Variants in TAFA5 observed in about 807,000 individuals in gnomAD.
The protein encoded by TAFA5 is chemokine-like protein TAFA-5.
A neutral mutation model predicts 15.3 loss-of-function variants in TAFA5; 6 were observed. That is an observed-to-expected ratio of 0.39 (90% CI 0.21 to 0.77). TAFA5 has a LOEUF of 0.77. Among genes scored for constraint, TAFA5 ranks in the 30% least tolerant of loss-of-function variants. The pLI is 0.41. For synonymous variants in TAFA5, 103 were observed against 80.7 expected, an observed-to-expected ratio of 1.28 and a Z score of -1.48; for missense variants, 161 against 193.1, an observed-to-expected ratio of 0.83 and a Z score of 0.98.
intron 2 of TAFA5, among the ~76,000 whole-genome samples, chr22:48,652,026 C>T (rs909892484): frequency 6.6e-6 from 1 of 152,200 alleles, no homozygotes; most frequent in Non-Finnish European, 1.5e-5. Flanking sequence ...CCTAGCTGCT[C>T]ATGATGCCCT....
intron 2 of TAFA5, among the ~76,000 whole-genome samples, chr22:48,657,357 A>G (rs1927286537): frequency 1.3e-5 from 2 of 152,248 alleles, no homozygotes; most frequent in South Asian, 4.1e-4. Flanking sequence ...GAATAGACCT[A>G]TGTTAAGTAA....
chr22:48,590,487 G>T (rs1924527590), intron 1 of TAFA5, among the ~76,000 whole-genome samples: 1 of 152,152 alleles, frequency 6.6e-6, no homozygotes, highest in Admixed American at 6.5e-5. Context: ...CATGGGTATG[G>T]TGCAACCCTG....
rs190161004 is a variant in TAFA5 at position 48,749,110 on chromosome 22, G to C, written c.391-729G>C. Among the ~76,000 whole-genome samples, 9 of 152,312 alleles carry C rather than the reference G, an allele frequency of 5.9e-5. No homozygotes were observed. The East Asian group carries it at 1.7e-3, about 29-fold the overall frequency. ...TCGACATGGGGACCGTGTGAGGATG[G>C]AGGCAGAGATCAGGACGATGCGTCT... On this transcript the variant is annotated intron_variant, in intron 3 of 3. Transcript: ENST00000402357.
At position 48,738,665 on chromosome 22, in the gene TAFA5, C is replaced by T. The variant is rs376129070; in HGVS notation, c.391-11174C>T. On this transcript the variant is annotated intron_variant, in intron 3 of 3. Transcript: ENST00000402357. ...AGGCCATGATGTGCACACTCCTAAA[C>T]GGGTTATTTTAATTTAAGAGGTATA... is the stretch of plus-strand genomic sequence containing the variant. Among the ~76,000 whole-genome samples the T allele has an allele frequency of 5.3e-5, 8 of 152,312 alleles. No homozygotes were observed. In the East Asian group the frequency reaches 9.6e-4, roughly 18 times the overall value.
intron 1 of TAFA5, among the ~76,000 whole-genome samples, chr22:48,512,374 C>T (rs901040405): frequency 4.6e-5 from 7 of 151,626 alleles, no homozygotes; most frequent in Admixed American, 1.3e-4. Flanking sequence ...TGGGAGGCGA[C>T]GGTGGGCAGA....
intron 1 of TAFA5, among the ~76,000 whole-genome samples, chr22:48,567,311 G>C (rs949389484): frequency 6.6e-6 from 1 of 152,214 alleles, no homozygotes; most frequent in Non-Finnish European, 1.5e-5. Flanking sequence ...GTGCCCATCT[G>C]TTTCCGAGGA....
chr22:48,617,762 G>A (rs150379152), intron 1 of TAFA5, among the ~76,000 whole-genome samples: 6 of 152,300 alleles, frequency 3.9e-5, no homozygotes, highest in Admixed American at 1.3e-4. Context: ...GCGGTGACAC[G>A]ACCACATGCC....
At chr22:48,747,637 C>G (rs143601805) in intron 3 of TAFA5, among the ~76,000 whole-genome samples, 1 of 152,180 alleles carries the variant, frequency 6.6e-6, no homozygotes, top group Non-Finnish European at 1.5e-5. Context: ...TGGCTCATGC[C>G]TGTAATCCCA....
rs541495485 is a variant in TAFA5 at position 48,584,900 on chromosome 22, TCACA to T, written c.113-61687_113-61684del. On this transcript the variant is annotated intron_variant, in intron 1 of 3. Coordinates refer to ENST00000402357, the MANE Select transcript of TAFA5 (RefSeq NM_001082967.3). The stretch of plus-strand genomic sequence containing the variant: ...AAGCACACCATTCACAAAATACATC[TCACA>T]CACACACACCACACACACACACACA... Among the ~76,000 whole-genome samples the T allele has an allele frequency of 3.4e-3, 409 of 119,136 alleles. 7 individuals are homozygous for T. The highest frequency in any genetic ancestry group is 3.9e-3 in the East Asian group (14 of 3,616). The allele number at this position is 119,136 out of a possible 152,430, so 78.2% of individuals were successfully genotyped here. A position where few individuals can be genotyped will look rare whatever the true frequency, so the allele number is the denominator to read the frequency against.
intron 2 of TAFA5, among the ~76,000 whole-genome samples, chr22:48,690,453 G>A (rs1406877120): frequency 2.0e-5 from 3 of 152,194 alleles, no homozygotes; most frequent in Non-Finnish European, 4.4e-5. Flanking sequence ...CCACCCTACT[G>A]GCCTCTCCAG....
In TAFA5 at chr22:48,751,503, A is replaced by G. The variant is rs1043473742; in HGVS notation, c.*1656A>G. On this transcript the variant is annotated 3_prime_UTR_variant, in exon 4 of 4. Coordinates refer to ENST00000402357, the MANE Select transcript of TAFA5 (RefSeq NM_001082967.3). The stretch of plus-strand genomic sequence containing the variant: ...TATCCTACTAAAAAAAACGTAAAAA[A>G]ATAACTATATAGAAGCTGTTCCAGC... 3 of 152,466 alleles carry G rather than the reference A, an allele frequency of 2.0e-5. No homozygotes were observed. Among genetic ancestry groups the G allele is most frequent in the African/African-American group, 4.8e-5 (2 of 41,480 alleles). 9.4% of individuals were successfully genotyped at this position (152,466 alleles called of 1,614,324 possible).
chr22:48,722,413 A>G (rs1371625335), intron 3 of TAFA5, among the ~76,000 whole-genome samples: 1 of 152,260 alleles, frequency 6.6e-6, no homozygotes, highest in East Asian at 1.9e-4. Context: ...GCAGGGACAT[A>G]GATGAAACTG....
rs182343019 is a variant in TAFA5, at chr22:48,601,305, A to G, written c.113-45292A>G. On this transcript the variant is annotated intron_variant, in intron 1 of 3. Coordinates refer to ENST00000402357, the MANE Select transcript of TAFA5 (RefSeq NM_001082967.3). ...ATACCCTTGTATATGACGTGTGTAT[A>G]TATCCTTATATCTTTTTTTTTATTT... 6.6e-5 allele frequency among the ~76,000 whole-genome samples: 10 copies of G among 152,132 alleles called. No individual in the cohort carries two copies. The South Asian group carries it at 8.3e-4, about 13-fold the overall frequency.
At chr22:48,633,941 C>T (rs1222716496) in intron 1 of TAFA5, among the ~76,000 whole-genome samples, 5 of 152,190 alleles carry the variant, frequency 3.3e-5, no homozygotes. Context: ...TCCCTAGGGC[C>T]TGGGCGAGGC....
rs571268014 is a variant in TAFA5, at chr22:48,649,888, C to G, written c.262+3142C>G. Among the ~76,000 whole-genome samples the G allele has an allele frequency of 1.1e-4, 17 of 152,276 alleles. No individual in the cohort carries two copies. In the South Asian group the frequency reaches 3.3e-3, roughly 30 times the overall value. ...GGTCAAAATTGATTACTAATTGAAT[C>G]TGGGTCTGCTCATCTGAAACCACAT... On this transcript the variant is annotated intron_variant, in intron 2 of 3. Transcript: ENST00000402357.
chr22:48,561,444 G>C (rs1346095001), intron 1 of TAFA5, among the ~76,000 whole-genome samples: 1 of 152,190 alleles, frequency 6.6e-6, no homozygotes, highest in Non-Finnish European at 1.5e-5. Context: ...GGTGTCCTCA[G>C]CAGGGGCTGT....
chr22:48,631,085 G>A (rs932971904), intron 1 of TAFA5, among the ~76,000 whole-genome samples: 1 of 152,192 alleles, frequency 6.6e-6, no homozygotes, highest in African/African-American at 2.4e-5. Flanking sequence ...TTCTAAGGAC[G>A]GACCTCCTGG....
intron 1 of TAFA5, among the ~76,000 whole-genome samples, chr22:48,617,013 G>GGATACCT (rs1460960166): frequency 6.6e-6 from 1 of 152,178 alleles, no homozygotes; most frequent in African/African-American, 2.4e-5. Flanking sequence ...CTGGGAGCGT[G>GGATACCT]GATACCTGTG....
chr22:48,621,042 ACCC>A (rs1925811271), intron 1 of TAFA5, among the ~76,000 whole-genome samples: 1 of 24,778 alleles, frequency 4.0e-5, no homozygotes, highest in Non-Finnish European at 7.5e-5. Context: ...CCACCCTCCC[ACCC>A]ATCCACCCAC....
Sources: gnomAD v4.1 joint callset for allele counts (sites outside exome capture counted in the v4.1 genomes callset) on GRCh38, gnomAD v4.1.1 for gene constraint, MANE v1.5 for transcripts, NCBI Gene and HGNC (gene_info 2026-07-23, HGNC 2026-07-21) for gene names.